The following MORC1 variants were observed in gnomAD, a reference collection of about 807,000 sequenced individuals.
The protein encoded by MORC1 is MORC family CW-type zinc finger 1.
In MORC1, 59 loss-of-function variants were observed where a neutral mutation model predicts 134.9. The observed-to-expected ratio is 0.44, with a 90% CI of 0.35 to 0.54. MORC1 has a LOEUF of 0.54. Among genes scored for constraint, MORC1 ranks in the 20% least tolerant of loss-of-function variants. The probability of loss-of-function intolerance (pLI) is 0.00; values close to 1 mark genes in which losing one functional copy is unlikely to be tolerated. For synonymous variants in MORC1, 395 were observed against 391.7 expected (o/e 1.01, Z -0.10); for missense variants, 947 against 1,134.5 (o/e 0.83, Z 2.37).
intron 6 of MORC1, among the ~76,000 whole-genome samples, chr3:109,097,586 G>C (rs1950852400): frequency 1.3e-5 from 2 of 152,120 alleles, no homozygotes; most frequent in Non-Finnish European, 2.9e-5. Flanking sequence ...CACCACCATG[G>C]AAGCAGGAGT....
Position 109,089,714 on chromosome 3 carries a change from A to G in MORC1, c.689+3722T>C, listed in dbSNP as rs1236257781. Among the ~76,000 whole-genome samples, 6 of 152,124 alleles carry G rather than the reference A, an allele frequency of 3.9e-5. No homozygotes were observed. In the East Asian group the frequency reaches 1.2e-3, roughly 29 times the overall value. On this transcript the variant is annotated intron_variant, in intron 8 of 27. Transcript: ENST00000232603. ...GTTCCAAAAAATTACCACAACATAAATTAGTAAACACACCTAGCCCAGCCC... is the reference window on the plus strand; with the variant it reads ...GTTCCAAAAAATTACCACAACATAAGTTAGTAAACACACCTAGCCCAGCCC...
rs775022108 is a variant in MORC1 at position 109,005,249 on chromosome 3, A to T, written c.1834T>A (p.Phe612Ile). The T allele has an allele frequency of 2.4e-5, 39 of 1,613,674 alleles. 2 individuals carry two copies. The South Asian group carries it at 4.2e-4, about 17-fold the overall frequency. Residue 612 changes from phenylalanine to isoleucine, a missense_variant, in exon 19 of 28, where the codon TTT becomes ATT. Physicochemically the swap from Phe to Ile is conservative, Grantham distance 21. Coordinates refer to ENST00000232603, the MANE Select transcript of MORC1 (RefSeq NM_014429.4). ...DDLKHESLSS[F>I]ELSASRRGQK... The stretch of plus-strand genomic sequence containing the variant: ...CCTCTACGGCTCGCTGAAAGCTCAA[A>T]GGATGAAAGAGATTCATGCTTCAAG...
intron 16 of MORC1, among the ~76,000 whole-genome samples, chr3:109,028,242 CA>C (rs35904862): frequency 1.3e-5 from 2 of 151,824 alleles, no homozygotes; most frequent in Non-Finnish European, 2.9e-5. Flanking sequence ...TTTCCCCCCC[CA>C]AAAAAGGTAG....
chr3:109,081,500 A>G (rs12485840), intron 8 of MORC1, among the ~76,000 whole-genome samples: 125,814 of 148,152 alleles, frequency 0.85, 53,605 homozygotes, highest in East Asian at 0.93. Flanking sequence ...CTGTCACCCA[A>G]GCTGGAGTGC....
In MORC1 at chr3:109,112,680, C is replaced by G. The variant is rs547054181; in HGVS notation, c.119+1704G>C. ...TGTGGCCTTGAGGTTGCTACTTCTC[C>G]TAATCTTTCAAGGAAGGCAGAGGGC... On this transcript the variant is annotated intron_variant, in intron 2 of 27. Coordinates refer to ENST00000232603, the MANE Select transcript of MORC1 (RefSeq NM_014429.4). Among the ~76,000 whole-genome samples the G allele has an allele frequency of 5.9e-5, 9 of 152,324 alleles. No individual in the cohort carries two copies. The South Asian group carries it at 1.9e-3, about 32-fold the overall frequency.
At chr3:108,962,282 A>C (rs1947100542) in intron 27 of MORC1, among the ~76,000 whole-genome samples, 1 of 151,170 alleles carries the variant, frequency 6.6e-6, no homozygotes, top group Non-Finnish European at 1.5e-5. Context: ...AAGCAAATAA[A>C]AAAAAAAAAA....
chr3:109,057,836 GT>G (rs1162134374), intron 12 of MORC1, among the ~76,000 whole-genome samples: 15 of 152,104 alleles, frequency 9.9e-5, no homozygotes, highest in African/African-American at 3.6e-4. Flanking sequence ...TAAATTTTAG[GT>G]ATTTCTAACA....
chr3:109,063,593 G>A (rs1192415593), intron 9 of MORC1, among the ~76,000 whole-genome samples: 2 of 151,966 alleles, frequency 1.3e-5, no homozygotes, highest in African/African-American at 2.4e-5. Flanking sequence ...GATTATGATC[G>A]ACACTGGATA....
chr3:109,095,847 C>T (rs1950822072), intron 6 of MORC1, among the ~76,000 whole-genome samples: 1 of 152,004 alleles, frequency 6.6e-6, no homozygotes, highest in African/African-American at 2.4e-5. Flanking sequence ...AAAAAAAAAG[C>T]TCAGTTAGAT....
intron 27 of MORC1, among the ~76,000 whole-genome samples, chr3:108,960,787 CT>C (rs1390871115): frequency 1.3e-5 from 2 of 152,034 alleles, no homozygotes; most frequent in African/African-American, 4.8e-5. Context: ...CCTGATCTGA[CT>C]CCTTCTGACT....
At chr3:108,970,433 T>C (rs1053175384) in intron 25 of MORC1, among the ~76,000 whole-genome samples, 1 of 152,138 alleles carries the variant, frequency 6.6e-6, no homozygotes, top group Admixed American at 6.5e-5. Flanking sequence ...AGGTCACTGG[T>C]GGCCCTGACA....
At chr3:109,056,785 C>A (rs1206280647) in intron 13 of MORC1, among the ~76,000 whole-genome samples, 3 of 152,142 alleles carry the variant, frequency 2.0e-5, no homozygotes, top group Non-Finnish European at 2.9e-5. Context: ...TCATGATTAC[C>A]TTGTCTGACC....
At chr3:109,082,195 T>C (rs1363226731) in intron 8 of MORC1, among the ~76,000 whole-genome samples, 1 of 151,506 alleles carries the variant, frequency 6.6e-6, no homozygotes, top group Non-Finnish European at 1.5e-5. Context: ...AAGGCCAACC[T>C]GGGTTATAGC....
intron 26 of MORC1, 56 bp downstream of exon 26, chr3:108,969,613 C>G: frequency 6.6e-7 from 1 of 1,503,808 alleles, no homozygotes; most frequent in South Asian, 1.1e-5. Flanking sequence ...CATTATTTAT[C>G]CTTTCGAACA....
intron 21 of MORC1, among the ~76,000 whole-genome samples, chr3:108,998,372 G>T (rs1037111153): frequency 2.0e-5 from 3 of 152,116 alleles, no homozygotes; most frequent in Admixed American, 2.0e-4. Flanking sequence ...ATATTTCTTA[G>T]TTTCTTACAC....
In MORC1 at chr3:109,007,112, T is replaced by C. The variant is rs772870783; in HGVS notation, c.1705-21A>G. The C allele has an allele frequency of 2.5e-6, 4 of 1,592,008 alleles. No homozygotes were observed. The East Asian group carries it at 6.7e-5, about 27-fold the overall frequency. ...TGAGGCTTTATGGGAAAGCAAACCA[T>C]TAAGGCAAATGTAAGTAAAAATAAG... On this transcript the variant is annotated intron_variant, in intron 17 of 27. Coordinates refer to ENST00000232603, the MANE Select transcript of MORC1 (RefSeq NM_014429.4).
intron 17 of MORC1, among the ~76,000 whole-genome samples, chr3:109,007,521 C>CCT (rs1948570303): frequency 6.6e-6 from 1 of 152,136 alleles, no homozygotes; most frequent in Admixed American, 6.5e-5. Flanking sequence ...GGTAAACTGG[C>CCT]CTCGACTGTG....
chr3:109,027,158 A>G (rs1275906185), intron 17 of MORC1, among the ~76,000 whole-genome samples: 2 of 152,240 alleles, frequency 1.3e-5, no homozygotes, highest in Admixed American at 6.5e-5. Context: ...TGATGAATTT[A>G]TGTGCTAAAT....
At chr3:108,973,738 A>G (rs1191776619) in intron 24 of MORC1, among the ~76,000 whole-genome samples, 2 of 151,610 alleles carry the variant, frequency 1.3e-5, no homozygotes, top group East Asian at 3.9e-4. Context: ...CTGGGATTAC[A>G]GGCGCACGCC....
Sources: allele counts gnomAD v4.1 joint callset (sites outside exome capture counted in the v4.1 genomes callset), GRCh38; gene constraint gnomAD v4.1.1; transcripts MANE v1.5; gene names NCBI Gene and HGNC (gene_info 2026-07-23, HGNC 2026-07-21).